Variants in ACACA observed in about 807,000 individuals in gnomAD.
ACACA encodes acetyl-CoA carboxylase alpha.
In ACACA, 103 loss-of-function variants were observed where a neutral mutation model predicts 296.1. The ratio of observed to expected loss-of-function variants is 0.35; its 90% CI spans 0.30 to 0.41. The LOEUF is 0.41. Ranked by LOEUF, ACACA falls within the 10% of genes least tolerant of loss-of-function variation. The pLI, the probability that ACACA is intolerant of heterozygous loss-of-function variation, is 1.00. For missense variants in ACACA, 1,554 were observed against 2,989.7 expected, an observed-to-expected ratio of 0.52 and a Z score of 11.20; for synonymous variants, 953 against 1,038.6, an observed-to-expected ratio of 0.92 and a Z score of 1.58.
intron 3 of ACACA, among the ~76,000 whole-genome samples, chr17:37,316,491 AATG>A (rs1298925914): frequency 4.2e-5 from 5 of 118,716 alleles, no homozygotes; most frequent in Admixed American, 2.7e-4. Flanking sequence ...CCTGTGACAC[AATG>A]TTTGGCTAGA....
At chr17:37,259,280 C>G (rs925677555) in intron 12 of ACACA, 80 bp downstream of exon 12, 1 of 1,517,506 alleles carries the variant, frequency 6.6e-7, no homozygotes, top group African/African-American at 1.4e-5. Context: ...GTGCTTTTCT[C>G]TTATCACACA....
chr17:37,151,470 C>T, intron 43 of ACACA, 49 bp from the exon 44 acceptor site: 1 of 1,606,698 alleles, frequency 6.2e-7, no homozygotes, highest in Non-Finnish European at 8.5e-7. Context: ...ACAGTAACAA[C>T]AAGCCATTAA....
At chr17:37,346,610 G>A (rs997000524) in intron 1 of ACACA, among the ~76,000 whole-genome samples, 1 of 150,422 alleles carries the variant, frequency 6.6e-6, no homozygotes, top group African/African-American at 2.4e-5. Flanking sequence ...GCTGAGGCAG[G>A]AGAATGGCGT....
chr17:37,122,222 T>C (rs968910654), intron 49 of ACACA, among the ~76,000 whole-genome samples: 1 of 152,198 alleles, frequency 6.6e-6, no homozygotes, highest in Non-Finnish European at 1.5e-5. Flanking sequence ...ACTCAGAGAA[T>C]AGGGGACCAA....
intron 1 of ACACA, among the ~76,000 whole-genome samples, chr17:37,378,585 C>T (rs763835623): frequency 1.2e-4 from 18 of 152,108 alleles, no homozygotes; most frequent in Non-Finnish European, 1.5e-4. Context: ...TGGTGGTGCA[C>T]GCCTGTAACC....
intron 42 of ACACA, among the ~76,000 whole-genome samples, chr17:37,157,680 C>T (rs1435012714): frequency 6.6e-6 from 1 of 151,924 alleles, no homozygotes; most frequent in Non-Finnish European, 1.5e-5. Flanking sequence ...GGATTACAGG[C>T]ATCTGTCACA....
At chr17:37,120,187 C>T (rs928280879) in intron 50 of ACACA, among the ~76,000 whole-genome samples, 1 of 151,942 alleles carries the variant, frequency 6.6e-6, no homozygotes, top group Non-Finnish European at 1.5e-5. Flanking sequence ...GCCACCGCGC[C>T]TGGCCATCCT....
chr17:37,152,867 C>T (rs114044311), intron 43 of ACACA, among the ~76,000 whole-genome samples: 1,550 of 152,256 alleles, frequency 0.01, 42 homozygotes, highest in African/African-American at 0.036. Context: ...TTTCCTGCTC[C>T]CTTCTTCATT....
chr17:37,310,028 C>A (rs974310074), intron 3 of ACACA, among the ~76,000 whole-genome samples: 3 of 152,054 alleles, frequency 2.0e-5, no homozygotes, highest in Non-Finnish European at 4.4e-5. Flanking sequence ...CAGAGCAAGA[C>A]CCTGTTTCAA....
At chr17:37,144,110 T>C in intron 45 of ACACA, 1 of 761,710 alleles carries the variant, frequency 1.3e-6, no homozygotes, top group East Asian at 2.4e-5. Flanking sequence ...GTCTTTGCCA[T>C]ATCTTCAAAT....
In ACACA at chr17:37,244,670, T is replaced by G. The variant is rs1311425809; in HGVS notation, c.2660A>C (p.His887Pro). The part of the protein sequence containing the change: ...QSTALRGEKL[H>P]RVFHYVLDNL... ...ATCCAGGACATAATGGAACACTCGA[T>G]GGAGTTTCTCGCCTCTGAGTGCCGT... Residue 887 changes from histidine (H) to proline (P), a missense_variant, in exon 21 of 56, where the codon CAT (histidine) becomes CCT (proline). Transcript: ENST00000616317. 2 of 1,614,062 alleles carry G rather than the reference T, an allele frequency of 1.2e-6. No individual in the cohort carries two copies. Among genetic ancestry groups the G allele is most frequent in the Non-Finnish European group, 1.7e-6 (2 of 1,180,026 alleles).
At chr17:37,360,566 T>C (rs781005906) in intron 1 of ACACA, among the ~76,000 whole-genome samples, 3 of 152,092 alleles carry the variant, frequency 2.0e-5, no homozygotes, top group Non-Finnish European at 1.5e-5. Flanking sequence ...AAGGCTGAGG[T>C]GGGTGGATGG....
At chr17:37,091,329 TCTG>T (rs2072616361) in intron 54 of ACACA, among the ~76,000 whole-genome samples, 1 of 152,184 alleles carries the variant, frequency 6.6e-6, no homozygotes, top group African/African-American at 2.4e-5. Flanking sequence ...TATAAAAAGA[TCTG>T]CTGTTTACGC....
chr17:37,261,560 T>G (rs999636160), intron 11 of ACACA, among the ~76,000 whole-genome samples: 14 of 152,342 alleles, frequency 9.2e-5, no homozygotes, highest in African/African-American at 3.4e-4. Context: ...TTGTGAAAGT[T>G]CTGCCAAAGA....
intron 3 of ACACA, among the ~76,000 whole-genome samples, chr17:37,317,339 C>T (rs2047145460): frequency 6.6e-6 from 1 of 151,962 alleles, no homozygotes; most frequent in African/African-American, 2.4e-5. Context: ...CCTGTAATCC[C>T]AGCACTTTGG....
chr17:37,398,185 G>A (rs1288662684), intron 1 of ACACA, among the ~76,000 whole-genome samples: 2 of 135,140 alleles, frequency 1.5e-5, no homozygotes, highest in African/African-American at 2.8e-5. Context: ...AGCCGAGATC[G>A]CACCACTGCA....
At chr17:37,362,912 T>C (rs967486693) in intron 1 of ACACA, among the ~76,000 whole-genome samples, 1 of 150,554 alleles carries the variant, frequency 6.6e-6, no homozygotes, top group African/African-American at 2.4e-5. Context: ...GAGGCGGAGC[T>C]TGCAGTAAGC....
intron 1 of ACACA, chr17:37,391,821 CA>C (rs2050897618): frequency 8.2e-6 from 9 of 1,095,794 alleles, no homozygotes; most frequent in Non-Finnish European, 1.2e-5. Context: ...GTATCTTCAG[CA>C]GGGACATTAC....
chr17:37,251,939 T>C (rs1233636194), intron 16 of ACACA, 66 bp downstream of exon 16: 1 of 1,427,430 alleles, frequency 7.0e-7, no homozygotes, highest in African/African-American at 1.4e-5. Context: ...AATGGGTCTT[T>C]GAGCTTCAGT....
Sources: gnomAD v4.1 joint callset for allele counts (sites outside exome capture counted in the v4.1 genomes callset) on GRCh38, gnomAD v4.1.1 for gene constraint, MANE v1.5 for transcripts, NCBI Gene and HGNC (gene_info 2026-07-23, HGNC 2026-07-21) for gene names.